The following PKIA variants were observed in gnomAD, a reference collection of about 807,000 sequenced individuals.
The protein encoded by PKIA is PKI-alpha.
In PKIA, 4 loss-of-function variants were observed where a neutral mutation model predicts 7.6. The observed-to-expected ratio is 0.52, with a 90% CI of 0.26 to 1.20. PKIA has a LOEUF of 1.20. Ranked by LOEUF, PKIA falls within the 50% of genes most tolerant of loss-of-function variation. PKIA has a pLI of 0.13. For missense variants in PKIA, 73 were observed against 86.2 expected, an observed-to-expected ratio of 0.85 and a Z score of 0.61; for synonymous variants, 21 against 30.7, an observed-to-expected ratio of 0.68 and a Z score of 1.04.
intron 1 of PKIA, among the ~76,000 whole-genome samples, chr8:78,562,679 C>A (rs1807312759): frequency 6.6e-6 from 1 of 152,108 alleles, no homozygotes; most frequent in Admixed American, 6.6e-5. Context: ...ACTACCTTGG[C>A]CAGAGAGACC....
intron 1 of PKIA, among the ~76,000 whole-genome samples, chr8:78,561,501 ACT>A (rs1234379460): frequency 1.3e-5 from 2 of 150,724 alleles, no homozygotes; most frequent in African/African-American, 4.9e-5. Flanking sequence ...TATTTTAGTG[ACT>A]CTCTGTCACA....
intron 1 of PKIA, among the ~76,000 whole-genome samples, chr8:78,570,215 G>C (rs1292014587): frequency 1.3e-5 from 2 of 152,068 alleles, no homozygotes; most frequent in African/African-American, 2.4e-5. Flanking sequence ...TAGACACAAA[G>C]ATATTCATGC....
chr8:78,522,758 TTTTG>T (rs764917441), intron 1 of PKIA, among the ~76,000 whole-genome samples: 14 of 151,958 alleles, frequency 9.2e-5, no homozygotes, highest in East Asian at 3.9e-4. Flanking sequence ...TTTTTAGGGT[TTTTG>T]TTTGTTTGTT....
chr8:78,542,810 T>C, intron 1 of PKIA, among the ~76,000 whole-genome samples: 1 of 152,162 alleles, frequency 6.6e-6, no homozygotes, highest in Non-Finnish European at 1.5e-5. Context: ...ATAGTTTAGA[T>C]TCTATTTTTT....
At chr8:78,566,382 A>G (rs966396559) in intron 1 of PKIA, among the ~76,000 whole-genome samples, 2 of 152,052 alleles carry the variant, frequency 1.3e-5, no homozygotes, top group African/African-American at 2.4e-5. Context: ...TTTTTACATT[A>G]TATTATACTT....
intron 2 of PKIA, among the ~76,000 whole-genome samples, chr8:78,574,361 A>T (rs1807626395): frequency 6.6e-6 from 1 of 151,984 alleles, no homozygotes; most frequent in African/African-American, 2.4e-5. Context: ...TTGTTAAAGC[A>T]TTTTTATAAT....
At chr8:78,518,010 CCT>C (rs1367077978) in intron 1 of PKIA, among the ~76,000 whole-genome samples, 15 of 152,140 alleles carry the variant, frequency 9.9e-5, no homozygotes, top group African/African-American at 1.4e-4. Context: ...TAAAATTTTA[CCT>C]CTTTCTTTCC....
intron 2 of PKIA, among the ~76,000 whole-genome samples, chr8:78,592,431 G>T (rs1402506752): frequency 6.6e-6 from 1 of 152,000 alleles, no homozygotes; most frequent in Non-Finnish European, 1.5e-5. Flanking sequence ...GATATCCAGT[G>T]CTTAGTTTCT....
chr8:78,570,683 ACACAAAC>A (rs1807524938), intron 1 of PKIA, among the ~76,000 whole-genome samples: 5 of 152,106 alleles, frequency 3.3e-5, no homozygotes, highest in Admixed American at 6.6e-5. Flanking sequence ...TTTCATACAT[ACACAAAC>A]CATTCTTTAT....
intron 2 of PKIA, among the ~76,000 whole-genome samples, chr8:78,588,981 A>T (rs1714492102): frequency 6.6e-6 from 1 of 152,114 alleles, no homozygotes; most frequent in African/African-American, 2.4e-5. Context: ...AACAGGGAAG[A>T]TGTAAGCAAT....
At chr8:78,590,129 T>C (rs115350960) in intron 2 of PKIA, among the ~76,000 whole-genome samples, 92 of 152,270 alleles carry the variant, frequency 6.0e-4, no homozygotes, top group African/African-American at 2.0e-3. Flanking sequence ...TCTGCCCCTG[T>C]GAACTTGTCA....
At chr8:78,534,902 A>C (rs563425951) in intron 1 of PKIA, 10 of 152,278 alleles carry the variant, frequency 6.6e-5, no homozygotes, top group African/African-American at 2.4e-4. Context: ...ATACAGCCCT[A>C]TGGAAGCCAA....
intron 2 of PKIA, among the ~76,000 whole-genome samples, chr8:78,596,225 CT>C (rs377588869): frequency 2.7e-5 from 4 of 150,630 alleles, no homozygotes; most frequent in South Asian, 2.1e-4. Context: ...TTGCTTTTGG[CT>C]TTTTTTTTAT....
chr8:78,524,327 C>G (rs1256444411), intron 1 of PKIA, among the ~76,000 whole-genome samples: 1 of 149,996 alleles, frequency 6.7e-6, no homozygotes, highest in Non-Finnish European at 1.5e-5. Flanking sequence ...TCTGAAAAGA[C>G]TATTTTACCA....
intron 2 of PKIA, among the ~76,000 whole-genome samples, chr8:78,581,757 G>A (rs1014509549): frequency 6.6e-6 from 1 of 152,014 alleles, no homozygotes. Context: ...TGTGATTTTA[G>A]GCTAATCCTT....
At chr8:78,523,696 T>G (rs1435045588) in intron 1 of PKIA, among the ~76,000 whole-genome samples, 1 of 151,564 alleles carries the variant, frequency 6.6e-6, no homozygotes, top group African/African-American at 2.4e-5. Flanking sequence ...CAAAATGTAA[T>G]TTTGCTGGGA....
At chr8:78,580,357 G>T (rs1365981973) in intron 2 of PKIA, among the ~76,000 whole-genome samples, 1 of 151,888 alleles carries the variant, frequency 6.6e-6, no homozygotes, top group Non-Finnish European at 1.5e-5. Flanking sequence ...AAAAAATATT[G>T]TTTCTCTCCA....
At chr8:78,597,249 T>C (rs1343170551) in intron 2 of PKIA, among the ~76,000 whole-genome samples, 1 of 152,190 alleles carries the variant, frequency 6.6e-6, no homozygotes, top group African/African-American at 2.4e-5. Context: ...AGGAATAGCA[T>C]TGAATCTGTG....
At position 78,604,542 on chromosome 8, in the gene PKIA, ATG is replaced by A. The variant is rs919846094; in HGVS notation, c.*2722_*2723del. 2.6e-4 allele frequency: 39 copies of A among 152,108 alleles called. No homozygotes were observed. Among genetic ancestry groups the A allele is most frequent in the Middle Eastern group, 3.4e-3 (1 of 294 alleles). The allele number at this position is 152,108 out of a possible 1,614,324, so 9.4% of individuals were successfully genotyped here. A position where few individuals can be genotyped will look rare whatever the true frequency, so the allele number is the denominator to read the frequency against. On this transcript the variant is annotated 3_prime_UTR_variant, in exon 4 of 4. Transcript: ENST00000396418. ...AATTGCCGTTCTCAAGGCTCCCTGG[ATG>A]GGTAATAACACAGATATGAGTAGGT...
Sources: allele counts gnomAD v4.1 joint callset (sites outside exome capture counted in the v4.1 genomes callset), GRCh38; gene constraint gnomAD v4.1.1; transcripts MANE v1.5; gene names NCBI Gene and HGNC (gene_info 2026-07-23, HGNC 2026-07-21).